The following PDZD2 variants were observed in gnomAD, a reference collection of about 807,000 sequenced individuals.
PDZD2 encodes PDZ domain containing 2.
A neutral mutation model predicts 220.7 loss-of-function variants in PDZD2; 90 were observed. The observed-to-expected ratio is 0.41, with a 90% confidence interval of 0.34 to 0.49. PDZD2 has a LOEUF of 0.49. Ranked by LOEUF, PDZD2 falls within the 20% of genes least tolerant of loss-of-function variation. The pLI, the probability that PDZD2 is intolerant of heterozygous loss-of-function variation, is 0.28. For missense variants in PDZD2, 3,174 were observed against 3,608.5 expected (o/e 0.88, Z 3.08); for synonymous variants, 1,375 against 1,450.5 (o/e 0.95, Z 1.18).
At chr5:32,061,199 C>G (rs888531624) in intron 14 of PDZD2, 65 bp downstream of exon 14, 20 of 1,527,922 alleles carry the variant, frequency 1.3e-5, no homozygotes, top group Admixed American at 5.2e-5. Flanking sequence ...ATCGTATACT[C>G]TTTGGTGAGA....
intron 23 of PDZD2, 44 bp from the exon 24 acceptor site, chr5:32,101,061 G>T: frequency 6.2e-7 from 1 of 1,612,862 alleles, no homozygotes; most frequent in South Asian, 1.1e-5. Flanking sequence ...GTGGCATGAT[G>T]AACAACCCTG....
chr5:31,860,075 AG>A, intron 2 of PDZD2, among the ~76,000 whole-genome samples: 1 of 152,218 alleles, frequency 6.6e-6, no homozygotes, highest in Non-Finnish European at 1.5e-5. Context: ...CCCTACACTG[AG>A]GGGAGTTGGT....
intron 2 of PDZD2, among the ~76,000 whole-genome samples, chr5:31,892,304 T>C (rs2150349078): frequency 6.6e-6 from 1 of 152,306 alleles, no homozygotes; most frequent in East Asian, 1.9e-4. Context: ...TGACCAGCAA[T>C]AACCACAGCA....
chr5:31,807,295 G>A (rs973768480), intron 2 of PDZD2, among the ~76,000 whole-genome samples: 1 of 152,196 alleles, frequency 6.6e-6, no homozygotes, highest in African/African-American at 2.4e-5. Context: ...GCCTCGGAGA[G>A]AGGTGTGTCA....
intron 1 of PDZD2, among the ~76,000 whole-genome samples, chr5:31,744,822 G>A (rs915453498): frequency 3.3e-5 from 5 of 152,206 alleles, no homozygotes; most frequent in African/African-American, 1.2e-4. Context: ...TGTAATCCTA[G>A]CACTTTGGGA....
At chr5:31,733,031 G>C (rs1749630157) in intron 1 of PDZD2, among the ~76,000 whole-genome samples, 1 of 152,194 alleles carries the variant, frequency 6.6e-6, no homozygotes, top group Admixed American at 6.5e-5. Context: ...GCCCGGCCGG[G>C]AGCAGCTTTT....
chr5:31,823,059 A>G (rs1755985128), intron 2 of PDZD2: 2 of 1,080,192 alleles, frequency 1.9e-6, no homozygotes, highest in Non-Finnish European at 2.7e-6. Context: ...GGCCCTTCAC[A>G]ATAACTGTGC....
chr5:31,974,921 A>C (rs780965591), intron 2 of PDZD2, among the ~76,000 whole-genome samples: 25 of 152,190 alleles, frequency 1.6e-4, no homozygotes, highest in Non-Finnish European at 3.1e-4. Flanking sequence ...AGAAACAAAC[A>C]ATAAACTATG....
chr5:31,731,503 A>T (rs1240732959), intron 1 of PDZD2, among the ~76,000 whole-genome samples: 1 of 152,190 alleles, frequency 6.6e-6, no homozygotes, highest in African/African-American at 2.4e-5. Context: ...GCTCTTGGCA[A>T]CCACTAAGCT....
intron 1 of PDZD2, among the ~76,000 whole-genome samples, chr5:31,783,046 G>A (rs1034765343): frequency 3.9e-5 from 6 of 152,074 alleles, no homozygotes; most frequent in Non-Finnish European, 8.8e-5. Flanking sequence ...CAAAGGTGAG[G>A]ACTTTTATTT....
intron 23 of PDZD2, chr5:32,100,220 C>A (rs1438308954): frequency 6.4e-6 from 1 of 155,740 alleles, no homozygotes; most frequent in Non-Finnish European, 1.4e-5. Context: ...AATGGACTGG[C>A]CTTTATGTCC....
intron 2 of PDZD2, among the ~76,000 whole-genome samples, chr5:31,956,746 A>G (rs1195562312): frequency 8.2e-6 from 1 of 122,412 alleles, no homozygotes; most frequent in Non-Finnish European, 1.7e-5. Flanking sequence ...GCAACAGAGC[A>G]AGACTCCATC....
chr5:31,726,218 C>T (rs898646473), intron 1 of PDZD2, among the ~76,000 whole-genome samples: 14 of 152,176 alleles, frequency 9.2e-5, no homozygotes, highest in African/African-American at 1.4e-4. Context: ...CCTTTTTATG[C>T]GTACAGTAGT....
intron 2 of PDZD2, among the ~76,000 whole-genome samples, chr5:31,949,727 T>C (rs1213225921): frequency 2.0e-5 from 3 of 150,170 alleles, no homozygotes; most frequent in African/African-American, 7.4e-5. Context: ...GGCTGGAGTG[T>C]GGTGGTGCGA....
At chr5:31,726,953 G>A (rs1370711175) in intron 1 of PDZD2, among the ~76,000 whole-genome samples, 1 of 152,196 alleles carries the variant, frequency 6.6e-6, no homozygotes, top group Non-Finnish European at 1.5e-5. Context: ...GCCTCAGGGA[G>A]GCCTTTACTC....
chr5:31,777,495 G>C (rs796789983), intron 1 of PDZD2, among the ~76,000 whole-genome samples: 27 of 152,360 alleles, frequency 1.8e-4, no homozygotes, highest in African/African-American at 6.3e-4. Context: ...AGGGCTGAGG[G>C]GTGCAGGTGC....
intron 23 of PDZD2, 191 bp from the exon 24 acceptor site, chr5:32,100,914 C>T: frequency 6.3e-7 from 1 of 1,593,250 alleles, no homozygotes; most frequent in South Asian, 1.1e-5. Context: ...AGGAGGGCAG[C>T]CCCAGAATTG....
At chr5:31,728,002 C>CA (rs11386922) in intron 1 of PDZD2, among the ~76,000 whole-genome samples, 51,215 of 110,552 alleles carry the variant, frequency 0.46, 12,039 homozygotes, top group African/African-American at 0.58. Flanking sequence ...GACTCTGTCT[C>CA]AAAAAAAAAA....
chr5:31,959,551 G>A (rs960582992), intron 2 of PDZD2, among the ~76,000 whole-genome samples: 7 of 151,456 alleles, frequency 4.6e-5, no homozygotes, highest in African/African-American at 1.2e-4. Context: ...TAGAGACAAG[G>A]TTTCACCATG....
Sources: gnomAD v4.1 joint callset for allele counts (sites outside exome capture counted in the v4.1 genomes callset) on GRCh38, gnomAD v4.1.1 for gene constraint, MANE v1.5 for transcripts, NCBI Gene and HGNC (gene_info 2026-07-23, HGNC 2026-07-21) for gene names.